The following LRRTM4 variants were observed in gnomAD, a reference collection of about 807,000 sequenced individuals.
LRRTM4 encodes leucine-rich repeat transmembrane neuronal protein 4.
In LRRTM4, 25 loss-of-function variants were observed where a neutral mutation model predicts 47.6. The observed-to-expected ratio is 0.53, with a 90% CI of 0.38 to 0.73. The LOEUF (loss-of-function observed/expected upper bound fraction) is 0.73. Among genes scored for constraint, LRRTM4 ranks in the 30% least tolerant of loss-of-function variants. The pLI is 0.00. For missense variants in LRRTM4, 638 were observed against 713.4 expected, an observed-to-expected ratio of 0.89 and a Z score of 1.20; for synonymous variants, 311 against 269.5, an observed-to-expected ratio of 1.15 and a Z score of -1.51.
intron 3 of LRRTM4, among the ~76,000 whole-genome samples, chr2:77,297,074 T>C (rs897649713): frequency 6.6e-6 from 1 of 152,194 alleles, no homozygotes; most frequent in Admixed American, 6.5e-5. Flanking sequence ...TATTGTTTTC[T>C]TGTCTGTTTC....
intron 3 of LRRTM4, among the ~76,000 whole-genome samples, chr2:77,303,925 C>G (rs1010135615): frequency 6.6e-6 from 1 of 152,106 alleles, no homozygotes; most frequent in African/African-American, 2.4e-5. Context: ...CACAGGACTG[C>G]AGGAATCTCA....
intron 3 of LRRTM4, among the ~76,000 whole-genome samples, chr2:77,076,202 A>T (rs1397311059): frequency 6.6e-6 from 1 of 152,154 alleles, no homozygotes; most frequent in Non-Finnish European, 1.5e-5. Flanking sequence ...CCAAGTTACC[A>T]TACTTAGCAG....
At chr2:77,057,091 A>G (rs979385757) in intron 3 of LRRTM4, among the ~76,000 whole-genome samples, 2 of 152,214 alleles carry the variant, frequency 1.3e-5, no homozygotes, top group South Asian at 2.1e-4. Flanking sequence ...AAAGCCTTAA[A>G]TATTTAGCAT....
intron 3 of LRRTM4, among the ~76,000 whole-genome samples, chr2:77,275,391 A>G (rs1676317357): frequency 6.6e-6 from 1 of 152,122 alleles, no homozygotes; most frequent in African/African-American, 2.4e-5. Flanking sequence ...TTACTGAATT[A>G]TTTTTATAGA....
chr2:76,890,491 A>G (rs1434213248), intron 3 of LRRTM4, among the ~76,000 whole-genome samples: 1 of 151,974 alleles, frequency 6.6e-6, no homozygotes, highest in Admixed American at 6.6e-5. Flanking sequence ...ATTTTCTAAG[A>G]CTGTTTAATG....
chr2:77,356,428 G>A (rs1035235198), intron 3 of LRRTM4, among the ~76,000 whole-genome samples: 2 of 151,950 alleles, frequency 1.3e-5, no homozygotes, highest in East Asian at 1.9e-4. Context: ...CTAAGAGAAG[G>A]GAGCTTCAAA....
At chr2:76,991,344 A>T (rs537051336) in intron 3 of LRRTM4, among the ~76,000 whole-genome samples, 1 of 151,826 alleles carries the variant, frequency 6.6e-6, no homozygotes, top group African/African-American at 2.4e-5. Flanking sequence ...ACAAAGGATC[A>T]CAAAACCAAA....
intron 3 of LRRTM4, among the ~76,000 whole-genome samples, chr2:77,175,899 T>C (rs1271542870): frequency 6.6e-6 from 1 of 151,944 alleles, no homozygotes; most frequent in Non-Finnish European, 1.5e-5. Context: ...CCTCAAGTGA[T>C]CTGCCTGCCT....
intron 3 of LRRTM4, among the ~76,000 whole-genome samples, chr2:76,876,223 A>G (rs1672775538): frequency 6.6e-6 from 1 of 152,174 alleles, no homozygotes; most frequent in Non-Finnish European, 1.5e-5. Context: ...TGATCTATCT[A>G]TAATTTACTT....
At chr2:77,521,448 T>C (rs1679493529) in intron 2 of LRRTM4, among the ~76,000 whole-genome samples, 1 of 151,256 alleles carries the variant, frequency 6.6e-6, no homozygotes, top group Admixed American at 6.6e-5. Context: ...CTCTAGAGTC[T>C]GTTTAAGTTC....
At chr2:77,362,175 A>AAAGAAAGAAAG in intron 3 of LRRTM4, among the ~76,000 whole-genome samples, 1 of 151,864 alleles carries the variant, frequency 6.6e-6, no homozygotes, top group African/African-American at 2.4e-5. Flanking sequence ...GAAAGAAAGG[A>AAAGAAAGAAAG]AGGAAGGAAG....
At chr2:77,037,439 T>C (rs549707537) in intron 3 of LRRTM4, among the ~76,000 whole-genome samples, 5 of 151,824 alleles carry the variant, frequency 3.3e-5, no homozygotes, top group South Asian at 2.1e-4. Flanking sequence ...AATCCTGCCA[T>C]GCACATAATT....
At chr2:77,083,279 A>G (rs1253437730) in intron 3 of LRRTM4, among the ~76,000 whole-genome samples, 1 of 152,166 alleles carries the variant, frequency 6.6e-6, no homozygotes, top group Non-Finnish European at 1.5e-5. Flanking sequence ...AAAGGATCTC[A>G]GTAAGTAAAA....
chr2:77,223,332 C>G (rs1403413516), intron 3 of LRRTM4, among the ~76,000 whole-genome samples: 1 of 152,120 alleles, frequency 6.6e-6, no homozygotes. Context: ...CACTCCTATT[C>G]AACATAGTGT....
At chr2:76,911,863 T>C (rs1371643352) in intron 3 of LRRTM4, among the ~76,000 whole-genome samples, 2 of 148,986 alleles carry the variant, frequency 1.3e-5, no homozygotes, top group Admixed American at 1.4e-4. Flanking sequence ...TCTGTGTGTG[T>C]GTGTGTAGCT....
At chr2:77,334,658 G>A (rs1482259858) in intron 3 of LRRTM4, among the ~76,000 whole-genome samples, 1 of 152,134 alleles carries the variant, frequency 6.6e-6, no homozygotes, top group Non-Finnish European at 1.5e-5. Flanking sequence ...AAATTGCCCA[G>A]TCTTAGGCAT....
intron 3 of LRRTM4, among the ~76,000 whole-genome samples, chr2:77,309,474 G>A (rs1272438027): frequency 6.6e-6 from 1 of 152,118 alleles, no homozygotes; most frequent in Non-Finnish European, 1.5e-5. Context: ...CTTTCATAAA[G>A]TGGTATACAT....
At chr2:76,807,425 C>CATAT (rs70939835) in intron 3 of LRRTM4, among the ~76,000 whole-genome samples, 8 of 98,056 alleles carry the variant, frequency 8.2e-5, no homozygotes, top group Non-Finnish European at 1.3e-4. Flanking sequence ...TATATATATA[C>CATAT]ATATATATAT....
intron 3 of LRRTM4, among the ~76,000 whole-genome samples, chr2:76,759,796 C>A (rs905550358): frequency 1.8e-4 from 28 of 152,044 alleles, no homozygotes; most frequent in African/African-American, 6.8e-4. Flanking sequence ...TGAGTTTCAG[C>A]GTAAATGTCA....
Sources: gnomAD v4.1 joint callset for allele counts (sites outside exome capture counted in the v4.1 genomes callset) on GRCh38, gnomAD v4.1.1 for gene constraint, MANE v1.5 for transcripts, NCBI Gene and HGNC (gene_info 2026-07-23, HGNC 2026-07-21) for gene names.